Variants in GCSAML observed in about 807,000 individuals in gnomAD.
GCSAML encodes the protein germinal center associated signaling and motility like, also known as germinal center-associated signaling and motility-like protein.
GCSAML carries 9 observed loss-of-function variants against 13.0 expected under a neutral mutation model. The ratio of observed to expected loss-of-function variants is 0.69; its 90% CI spans 0.42 to 1.21. GCSAML has a LOEUF of 1.21. Ranked by LOEUF, GCSAML falls within the 50% of genes most tolerant of loss-of-function variation. The pLI is 0.00. For synonymous variants in GCSAML, 37 were observed against 52.9 expected, an observed-to-expected ratio of 0.70 and a Z score of 1.31; for missense variants, 143 against 153.4, an observed-to-expected ratio of 0.93 and a Z score of 0.36.
At position 247,515,920 on chromosome 1, in the gene GCSAML, C is replaced by T. The variant is rs569375400; in HGVS notation, c.-263+8687C>T. Reference sequence around the variant, plus strand: ...AGACTCAGGAAGCACATTTATTATACTAACCACACCTACACATAGTTAGCT... The same window carrying T: ...AGACTCAGGAAGCACATTTATTATATTAACCACACCTACACATAGTTAGCT... On this transcript the variant is annotated intron_variant, in intron 1 of 5. Coordinates refer to the GCSAML transcript ENST00000366489. Among the ~76,000 whole-genome samples the T allele has an allele frequency of 2.6e-5, 4 of 152,314 alleles. No homozygotes were observed. The South Asian group carries it at 8.3e-4, about 32-fold the overall frequency.
rs761201397 is a variant in GCSAML, at chr1:247,574,476, A to T, written c.*94A>T. 9 of 1,355,288 alleles carry T rather than the reference A, an allele frequency of 6.6e-6. No individual in the cohort carries two copies. Among genetic ancestry groups the T allele is most frequent in the Admixed American group, 2.1e-5 (1 of 46,684 alleles). The allele number at this position is 1,355,288 out of a possible 1,614,324, so 84.0% of individuals were successfully genotyped here. On this transcript the variant is annotated 3_prime_UTR_variant, in exon 5 of 5. Coordinates refer to ENST00000366488, the MANE Select transcript of GCSAML (RefSeq NM_145278.5). Reference sequence around the variant, plus strand: ...GTTCACCCTGAGCAGTGCATGAAACATTCCTTTCTGGCTAAAGTTTAGAAA... The same window carrying T: ...GTTCACCCTGAGCAGTGCATGAAACTTTCCTTTCTGGCTAAAGTTTAGAAA...
intron 2 of GCSAML, among the ~76,000 whole-genome samples, chr1:247,541,814 A>G (rs1667421950): frequency 1.3e-5 from 2 of 152,040 alleles, no homozygotes; most frequent in African/African-American, 4.8e-5. Context: ...GTTTGAGACT[A>G]GCCTGCCCAA....
chr1:247,544,534 A>G (rs1667506495), upstream of GCSAML, among the ~76,000 whole-genome samples: 1 of 152,162 alleles, frequency 6.6e-6, no homozygotes, highest in Non-Finnish European at 1.5e-5. Flanking sequence ...ATGAGGATCA[A>G]TTAGGCTAAT....
chr1:247,521,654 T>C (rs920397072), intron 1 of GCSAML, among the ~76,000 whole-genome samples: 7 of 152,232 alleles, frequency 4.6e-5, no homozygotes, highest in Admixed American at 3.3e-4. Context: ...GGTGCTGGGA[T>C]TGCAGACGGA....
chr1:247,572,925 T>C lies in GCSAML; in HGVS notation c.169-1218T>C, dbSNP rs547676038. Among the ~76,000 whole-genome samples, 7 of 152,216 alleles carry C rather than the reference T, an allele frequency of 4.6e-5. No homozygotes were observed. The South Asian group carries it at 8.3e-4, about 18-fold the overall frequency. On this transcript the variant is annotated intron_variant, in intron 4 of 4. Transcript: ENST00000366488. ...CCACAGTGGCTTTGTGGTGTTGGAG[T>C]GGGCTCAGTCCAGCCCAAATTCCCC... is the stretch of plus-strand genomic sequence containing the variant.
rs946049237 is a variant in GCSAML at position 247,527,298 on chromosome 1, C to A, written c.-148+244C>A. 1.0e-5 allele frequency: 3 copies of A among 294,092 alleles called. No homozygotes were observed. Among genetic ancestry groups the A allele is most frequent in the Non-Finnish European group, 2.0e-5 (3 of 149,028 alleles). The allele number at this position is 294,092 out of a possible 1,614,324, so 18.2% of individuals were successfully genotyped here. Reference sequence around the variant, plus strand: ...GGGAGGGTCTGCGTTGTCTGCTATCCCCACATAAACTGATGAGGACCTGCA... The same window carrying A: ...GGGAGGGTCTGCGTTGTCTGCTATCACCACATAAACTGATGAGGACCTGCA... On this transcript the variant is annotated intron_variant, in intron 2 of 5. Transcript: ENST00000366489. The surrounding 1 kb of genome is among the most constrained non-coding windows in gnomAD (Gnocchi z 4.6).
At chr1:247,515,502 T>C (rs1173239831) in intron 1 of GCSAML, among the ~76,000 whole-genome samples, 1 of 152,228 alleles carries the variant, frequency 6.6e-6, no homozygotes. Flanking sequence ...TTAATAGATG[T>C]AGTGTATCAT....
upstream of GCSAML, among the ~76,000 whole-genome samples, chr1:247,544,150 G>A (rs556711227): frequency 6.6e-6 from 1 of 152,300 alleles, no homozygotes; most frequent in Non-Finnish European, 1.5e-5. Context: ...TGTAGAGAGA[G>A]AGCTCATGAT....
At chr1:247,525,154 A>C (rs1310583724) in intron 1 of GCSAML, 1 of 152,200 alleles carries the variant, frequency 6.6e-6, no homozygotes, top group African/African-American at 2.4e-5. Context: ...AACAAACTAA[A>C]GCGCTTTTTC....
intron 1 of GCSAML, among the ~76,000 whole-genome samples, chr1:247,517,353 C>G (rs182908552): frequency 1.4e-4 from 22 of 152,292 alleles, no homozygotes; most frequent in Admixed American, 1.4e-3. Context: ...GTTCACAGTG[C>G]AAGGTCGGCA....
At position 247,555,825 on chromosome 1, in the gene GCSAML, C is replaced by T. The variant is rs552340424; in HGVS notation, c.30-582C>T. 2.6e-5 allele frequency among the ~76,000 whole-genome samples: 4 copies of T among 152,290 alleles called. No homozygotes were observed. The East Asian group carries it at 5.8e-4, about 22-fold the overall frequency. On this transcript the variant is annotated intron_variant, in intron 1 of 4. Transcript: ENST00000366488. ...GCAAATCACCTGATTTCTCTAACTT[C>T]GTCATTTAGTGTTTGCCTGATTATC...
chr1:247,556,799 T>A (rs1667968969), intron 2 of GCSAML, among the ~76,000 whole-genome samples: 1 of 152,210 alleles, frequency 6.6e-6, no homozygotes, highest in East Asian at 1.9e-4. Flanking sequence ...GAATAATCTT[T>A]GGAAAACATG....
intron 2 of GCSAML, chr1:247,533,794 G>A (rs1157566627): frequency 1.3e-5 from 2 of 152,180 alleles, no homozygotes; most frequent in Non-Finnish European, 2.9e-5. Context: ...AAATAAATGT[G>A]TATGTCTTTT....
upstream of GCSAML, among the ~76,000 whole-genome samples, chr1:247,548,404 A>G (rs923516217): frequency 5.3e-5 from 8 of 152,208 alleles, no homozygotes; most frequent in Non-Finnish European, 1.2e-4. This position sits in a 1 kb window ranked among gnomAD's most constrained non-coding sequence, Gnocchi z 5.3. Flanking sequence ...CATTTTCCCC[A>G]TTGTCATGTT....
chr1:247,530,927 G>C (rs894635488), intron 2 of GCSAML: 3 of 152,524 alleles, frequency 2.0e-5, no homozygotes, highest in Non-Finnish European at 4.4e-5. Flanking sequence ...GCGGCTCGGC[G>C]CGGTCTTGGT....
chr1:247,530,938 C>G (rs1403591181), intron 2 of GCSAML: 1 of 152,886 alleles, frequency 6.5e-6, no homozygotes, highest in African/African-American at 2.4e-5. Context: ...CGGTCTTGGT[C>G]TGGGTCGGTG....
chr1:247,574,622 G>A lies in GCSAML; in HGVS notation c.*240G>A. 2.1e-6 allele frequency: 1 copy of A among 481,142 alleles called. No homozygotes were observed. Among genetic ancestry groups the A allele is most frequent in the Non-Finnish European group, 3.6e-6 (1 of 276,854 alleles). The allele number at this position is 481,142 out of a possible 1,614,324, so 29.8% of individuals were successfully genotyped here. A position where few individuals can be genotyped will look rare whatever the true frequency, so the allele number is the denominator to read the frequency against. ...CTATGTGTTTTTGCTTGTAAAGTTT[G>A]AGGACATGGAGGTGATAAAAAAAAC... On this transcript the variant is annotated 3_prime_UTR_variant, in exon 5 of 5. Transcript: ENST00000366488.
intron 2 of GCSAML, among the ~76,000 whole-genome samples, chr1:247,559,293 G>T (rs1668047446): frequency 6.6e-6 from 1 of 152,206 alleles, no homozygotes; most frequent in Non-Finnish European, 1.5e-5. Flanking sequence ...TTAGCTGAGA[G>T]AAATTAATCT....
upstream of GCSAML, among the ~76,000 whole-genome samples, chr1:247,545,578 C>T (rs1025447330): frequency 1.3e-5 from 2 of 152,188 alleles, no homozygotes. Context: ...GTCATCCTAA[C>T]AGGTATGAGA....
Sources: gnomAD v4.1 joint callset for allele counts (sites outside exome capture counted in the v4.1 genomes callset) on GRCh38, gnomAD v4.1.1 for gene constraint, Gnocchi (gnomAD v3.1) non-coding constraint, MANE v1.5 for transcripts, NCBI Gene and HGNC (gene_info 2026-07-23, HGNC 2026-07-21) for gene names.